GNAL: variants seen among roughly 807,000 people sequenced by gnomAD.
GNAL encodes the protein guanine nucleotide-binding protein G(olf) subunit alpha.
GNAL carries 18 observed loss-of-function variants against 55.1 expected under a neutral mutation model. The ratio of observed to expected loss-of-function variants is 0.33; its 90% CI spans 0.23 to 0.48. The LOEUF (loss-of-function observed/expected upper bound fraction) is 0.48, where lower values mean the gene tolerates loss of function less well. Ranked by LOEUF, GNAL falls within the 20% of genes least tolerant of loss-of-function variation. GNAL has a pLI of 0.99. For missense variants in GNAL, 412 were observed against 614.1 expected, an observed-to-expected ratio of 0.67 and a Z score of 3.48; for synonymous variants, 253 against 237.0, an observed-to-expected ratio of 1.07 and a Z score of -0.62.
intron 5 of GNAL, among the ~76,000 whole-genome samples, chr18:11,830,991 G>A (rs572789692): frequency 5.1e-4 from 77 of 152,336 alleles, no homozygotes; most frequent in African/African-American, 1.8e-3. Flanking sequence ...GAACTTAAGA[G>A]TGACTGCTAA....
At chr18:11,875,830 A>G (rs188409164) in intron 10 of GNAL, among the ~76,000 whole-genome samples, 9 of 152,356 alleles carry the variant, frequency 5.9e-5, no homozygotes, top group Admixed American at 4.6e-4. Flanking sequence ...ACAGAAATGT[A>G]TTAGTCACAG....
At chr18:11,724,748 G>A (rs767078614) in intron 1 of GNAL, among the ~76,000 whole-genome samples, 5 of 152,192 alleles carry the variant, frequency 3.3e-5, no homozygotes, top group Non-Finnish European at 5.9e-5. Flanking sequence ...ATGTTATAGT[G>A]TCAACCCCCA....
chr18:11,824,065 G>T (rs60031367), intron 4 of GNAL, among the ~76,000 whole-genome samples: 2 of 151,778 alleles, frequency 1.3e-5, no homozygotes, highest in Admixed American at 6.6e-5. Flanking sequence ...TTTTTTAAAC[G>T]AAAAAAGAAA....
Position 11,706,364 on chromosome 18 carries a change from G to A in GNAL, c.376+16425G>A, listed in dbSNP as rs28851260. Among the ~76,000 whole-genome samples the A allele has an allele frequency of 6.1e-3, 931 of 152,150 alleles. 4 individuals carry two copies. Among genetic ancestry groups the A allele is most frequent in the African/African-American group, 0.021 (871 of 41,510 alleles). On this transcript the variant is annotated intron_variant, in intron 1 of 11. Coordinates refer to ENST00000334049, the MANE Select transcript of GNAL (RefSeq NM_182978.4). ...CTTAATTTAAAAATATTGATAAAAA[G>A]TGCTAACGATCATCTGAGCCTTCAG...
At chr18:11,737,066 T>G (rs1400382554) in intron 1 of GNAL, among the ~76,000 whole-genome samples, 1 of 152,240 alleles carries the variant, frequency 6.6e-6, no homozygotes, top group Non-Finnish European at 1.5e-5. Flanking sequence ...ATTCTTTCTG[T>G]GAGCTTGGAA....
chr18:11,868,347 G>C lies in GNAL; in HGVS notation c.911-196G>C, dbSNP rs528783150. On this transcript the variant is annotated intron_variant, in intron 8 of 11. Transcript: ENST00000334049. The surrounding 1 kb of genome is among the most constrained non-coding windows in gnomAD (Gnocchi z 4.0). The stretch of plus-strand genomic sequence containing the variant: ...CATCCCAAATTTACATGTGTCTTTT[G>C]GGGTGGGCTCTTCATCAAGTGCGTT... Among the ~76,000 whole-genome samples the C allele has an allele frequency of 6.6e-6, 1 of 152,092 alleles. No individual in the cohort carries two copies. Among genetic ancestry groups the C allele is most frequent in the South Asian group, 2.1e-4 (1 of 4,804 alleles).
intron 4 of GNAL, among the ~76,000 whole-genome samples, chr18:11,796,653 G>A (rs1048289047): frequency 3.3e-5 from 5 of 150,300 alleles, no homozygotes; most frequent in South Asian, 2.1e-4. Flanking sequence ...GCAAACATTC[G>A]GTGATATCCT....
intron 4 of GNAL, among the ~76,000 whole-genome samples, chr18:11,790,661 C>CTTTTTTTTT (rs397941591): frequency 6.7e-4 from 48 of 71,400 alleles, no homozygotes; most frequent in Admixed American, 1.1e-3. Context: ...CTTTTTTTTT[C>CTTTTTTTTT]TTTTTTTTTT....
intron 4 of GNAL, among the ~76,000 whole-genome samples, chr18:11,781,265 C>T (rs2033918498): frequency 6.6e-6 from 1 of 152,158 alleles, no homozygotes; most frequent in Admixed American, 6.5e-5. Context: ...CTTAGAAACA[C>T]CTAACCATTA....
intron 4 of GNAL, among the ~76,000 whole-genome samples, chr18:11,786,278 G>A (rs1281459218): frequency 6.6e-6 from 1 of 151,722 alleles, no homozygotes; most frequent in East Asian, 1.9e-4. Context: ...TATGAAAGAG[G>A]AGTAGAAACC....
At chr18:11,842,440 C>T (rs1174550888) in intron 5 of GNAL, among the ~76,000 whole-genome samples, 4 of 152,044 alleles carry the variant, frequency 2.6e-5, no homozygotes, top group African/African-American at 4.8e-5. Context: ...TCTTCTATTA[C>T]GATTACGTTG....
chr18:11,866,017 A>C (rs787559), intron 7 of GNAL, among the ~76,000 whole-genome samples: 93,398 of 149,002 alleles, frequency 0.63, 33,191 homozygotes, highest in East Asian at 0.9. Flanking sequence ...GGTGACAGAC[A>C]CCTACTTCCA....
chr18:11,804,728 A>G (rs112750793), intron 4 of GNAL, among the ~76,000 whole-genome samples: 14 of 98,184 alleles, frequency 1.4e-4, no homozygotes, highest in Admixed American at 2.7e-4. Context: ...GAGCGGTTTG[A>G]GTGGGACACG....
chr18:11,835,408 C>G (rs1317693213), intron 5 of GNAL, among the ~76,000 whole-genome samples: 1 of 151,232 alleles, frequency 6.6e-6, no homozygotes, highest in Non-Finnish European at 1.5e-5. Context: ...AGGAGGTTCA[C>G]TCGAGCCTAG....
At chr18:11,789,149 A>G (rs1043346699) in intron 4 of GNAL, among the ~76,000 whole-genome samples, 1 of 151,064 alleles carries the variant, frequency 6.6e-6, no homozygotes. Context: ...ACCTCTGCCA[A>G]CCCTGCCACA....
intron 5 of GNAL, among the ~76,000 whole-genome samples, chr18:11,850,641 C>CA (rs1477281782): frequency 6.6e-6 from 1 of 152,182 alleles, no homozygotes; most frequent in Non-Finnish European, 1.5e-5. Flanking sequence ...TTTAGCCTGT[C>CA]AAACTTAAAT....
At position 11,765,522 on chromosome 18, in the gene GNAL, A is replaced by C. The variant is rs550281515; in HGVS notation, c.624+11577A>C. ...ATACTGTATCTTATTCCTTCTGTGC[A>C]TCTGTACTTTTGTGCCCGTTGATCA... On this transcript the variant is annotated intron_variant, in intron 4 of 11. Transcript: ENST00000334049. Among the ~76,000 whole-genome samples the C allele has an allele frequency of 4.8e-4, 73 of 152,222 alleles. 3 individuals are homozygous for C. The South Asian group carries it at 0.015, about 31-fold the overall frequency.
intron 1 of GNAL, among the ~76,000 whole-genome samples, chr18:11,700,606 T>C (rs913097011): frequency 6.6e-6 from 1 of 152,248 alleles, no homozygotes; most frequent in Non-Finnish European, 1.5e-5. Flanking sequence ...CTGCTGTTAT[T>C]TCATTTGCCG....
intron 4 of GNAL, among the ~76,000 whole-genome samples, chr18:11,779,060 CTG>C (rs1397286168): frequency 1.3e-5 from 2 of 152,066 alleles, no homozygotes; most frequent in East Asian, 1.9e-4. Context: ...ATTGTGGAAA[CTG>C]TGAAAAGAGC....
Sources: allele counts gnomAD v4.1 joint callset (sites outside exome capture counted in the v4.1 genomes callset), GRCh38; gene constraint gnomAD v4.1.1; non-coding constraint Gnocchi (gnomAD v3.1); transcripts MANE v1.5; gene names NCBI Gene and HGNC (gene_info 2026-07-23, HGNC 2026-07-21).